The following SLC39A11 variants were observed in gnomAD, a reference collection of about 807,000 sequenced individuals.
SLC39A11 encodes solute carrier family 39 member 11.
A neutral mutation model predicts 36.1 loss-of-function variants in SLC39A11; 33 were observed. The observed-to-expected ratio is 0.91, with a 90% CI of 0.69 to 1.22. The LOEUF (loss-of-function observed/expected upper bound fraction) is 1.22, where lower values mean the gene tolerates loss of function less well. Ranked by LOEUF, SLC39A11 falls within the 50% of genes most tolerant of loss-of-function variation. SLC39A11 has a pLI of 0.00. For missense variants in SLC39A11, 432 were observed against 430.3 expected, an observed-to-expected ratio of 1.00 and a Z score of -0.03; for synonymous variants, 166 against 170.3, an observed-to-expected ratio of 0.97 and a Z score of 0.20.
At chr17:72,861,726 A>G (rs1470399810) in intron 5 of SLC39A11, among the ~76,000 whole-genome samples, 1 of 120,788 alleles carries the variant, frequency 8.3e-6, no homozygotes, top group Non-Finnish European at 1.7e-5. Flanking sequence ...ATATATATAT[A>G]CACACATTGG....
intron 7 of SLC39A11, among the ~76,000 whole-genome samples, chr17:72,723,741 T>C (rs1346488637): frequency 1.3e-5 from 2 of 152,204 alleles, no homozygotes; most frequent in Admixed American, 6.5e-5. Flanking sequence ...AGATGGAACC[T>C]TGTGGGCAAT....
At chr17:73,091,925 C>G (rs1406929375) in intron 1 of SLC39A11, 1 of 152,192 alleles carries the variant, frequency 6.6e-6, no homozygotes, top group Non-Finnish European at 1.5e-5. Context: ...TTCCAAGAGT[C>G]AGTTCAAGAG....
At chr17:72,716,877 G>A (rs2073390828) in intron 7 of SLC39A11, among the ~76,000 whole-genome samples, 2 of 151,288 alleles carry the variant, frequency 1.3e-5, no homozygotes, top group Admixed American at 6.6e-5. Context: ...GCTGAGGCAT[G>A]AGAATTGCTT....
intron 4 of SLC39A11, among the ~76,000 whole-genome samples, chr17:72,974,133 CTCTG>C (rs1393054405): frequency 1.3e-5 from 2 of 152,172 alleles, no homozygotes; most frequent in African/African-American, 2.4e-5. Flanking sequence ...TGGAGTCTCA[CTCTG>C]TCACCCAGGC....
chr17:72,968,027 T>C (rs1156252403), intron 4 of SLC39A11, among the ~76,000 whole-genome samples: 1 of 150,364 alleles, frequency 6.7e-6, no homozygotes, highest in African/African-American at 2.4e-5. Flanking sequence ...CCTGACAGCA[T>C]CAGCCCCCAT....
chr17:72,889,383 C>T (rs2081604604), intron 5 of SLC39A11, among the ~76,000 whole-genome samples: 9 of 151,994 alleles, frequency 5.9e-5, no homozygotes, highest in African/African-American at 1.7e-4. Context: ...GGCATGGTGG[C>T]GGGCACCTGT....
chr17:72,992,026 A>AT lies in SLC39A11; in HGVS notation c.306+39529dup, dbSNP rs201258131. Among the ~76,000 whole-genome samples the AT allele has an allele frequency of 1.1e-3, 171 of 152,036 alleles. 1 individual carries two copies. The East Asian group carries it at 0.03, about 26-fold the overall frequency. ...ACTGAATATTGTCAAACCTTTTCTC[A>AT]TTTTTTTTGGTCAAATACAAAAGGT... On this transcript the variant is annotated intron_variant, in intron 4 of 9. Coordinates refer to ENST00000255559, the MANE Select transcript of SLC39A11 (RefSeq NM_139177.4).
At chr17:72,907,264 C>A (rs190269137) in intron 5 of SLC39A11, among the ~76,000 whole-genome samples, 2 of 152,132 alleles carry the variant, frequency 1.3e-5, no homozygotes, top group Non-Finnish European at 2.9e-5. Flanking sequence ...CCGAGGCGGG[C>A]GCATCATTTG....
chr17:72,850,415 T>C (rs570237095), intron 5 of SLC39A11, among the ~76,000 whole-genome samples: 8 of 151,838 alleles, frequency 5.3e-5, no homozygotes, highest in African/African-American at 1.7e-4. Context: ...GATCACACCA[T>C]TGGCCTCCAG....
chr17:73,070,692 T>C lies in SLC39A11; in HGVS notation c.147+14116A>G, dbSNP rs148301730. On this transcript the variant is annotated intron_variant, in intron 3 of 9. Coordinates refer to ENST00000255559, the MANE Select transcript of SLC39A11 (RefSeq NM_139177.4). Reference sequence around the variant, plus strand: ...CCCACATGTTGTGGGAGGGACCCGGTGGGAGGTAATTAAATCATGAGGGCG... The same window carrying C: ...CCCACATGTTGTGGGAGGGACCCGGCGGGAGGTAATTAAATCATGAGGGCG... Among the ~76,000 whole-genome samples the C allele has an allele frequency of 5.3e-3, 802 of 152,144 alleles. 4 individuals carry two copies. Among genetic ancestry groups the C allele is most frequent in the African/African-American group, 0.019 (769 of 41,510 alleles).
At chr17:72,754,575 G>A (rs147616632) in intron 6 of SLC39A11, among the ~76,000 whole-genome samples, 295 of 151,200 alleles carry the variant, frequency 2.0e-3, no homozygotes, top group African/African-American at 6.8e-3. Flanking sequence ...AGGTGCTGTG[G>A]GTATTTAGAT....
chr17:73,069,107 C>T (rs575890752), intron 3 of SLC39A11, among the ~76,000 whole-genome samples: 3 of 152,234 alleles, frequency 2.0e-5, no homozygotes, highest in South Asian at 2.1e-4. Context: ...CTGCCTGTAA[C>T]GCATTTCCTT....
intron 3 of SLC39A11, among the ~76,000 whole-genome samples, chr17:73,082,099 C>G (rs1015104834): frequency 3.9e-5 from 5 of 126,820 alleles, no homozygotes; most frequent in African/African-American, 9.2e-5. Flanking sequence ...CCTGTTCCCC[C>G]CAAAACCTAC....
chr17:72,849,583 A>AGCG, intron 6 of SLC39A11, 51 bp downstream of exon 6: 1 of 1,439,094 alleles, frequency 6.9e-7, no homozygotes, highest in Non-Finnish European at 9.2e-7. Flanking sequence ...TGTGCTGACA[A>AGCG]ATGACTTTAC....
chr17:72,752,929 C>T (rs1307569522), intron 6 of SLC39A11, among the ~76,000 whole-genome samples: 1 of 152,114 alleles, frequency 6.6e-6, no homozygotes, highest in Non-Finnish European at 1.5e-5. Flanking sequence ...CATCATGGCT[C>T]ACTGCAGCCT....
chr17:72,684,395 T>G (rs1222091107), intron 7 of SLC39A11, among the ~76,000 whole-genome samples: 1 of 152,188 alleles, frequency 6.6e-6, no homozygotes, highest in Non-Finnish European at 1.5e-5. Context: ...CAAACACTAA[T>G]GAGCCTACAA....
chr17:72,905,098 G>A (rs140525205), intron 5 of SLC39A11, among the ~76,000 whole-genome samples: 308 of 145,952 alleles, frequency 2.1e-3, no homozygotes, highest in African/African-American at 7.3e-3. Flanking sequence ...GCATGAACCC[G>A]GGAAGCGGAG....
At chr17:73,036,123 C>A (rs2058906618) in intron 3 of SLC39A11, among the ~76,000 whole-genome samples, 1 of 152,218 alleles carries the variant, frequency 6.6e-6, no homozygotes, top group Non-Finnish European at 1.5e-5. Flanking sequence ...CTGTGGACTT[C>A]AGACCTCCAG....
intron 7 of SLC39A11, among the ~76,000 whole-genome samples, chr17:72,661,607 C>A (rs2070423495): frequency 6.6e-6 from 1 of 152,142 alleles, no homozygotes; most frequent in African/African-American, 2.4e-5. Context: ...GATGACATCA[C>A]CGGCTTCCCA....
Sources: allele counts gnomAD v4.1 joint callset (sites outside exome capture counted in the v4.1 genomes callset), GRCh38; gene constraint gnomAD v4.1.1; transcripts MANE v1.5; gene names NCBI Gene and HGNC (gene_info 2026-07-23, HGNC 2026-07-21).